Variants in SLC4A8 observed in about 807,000 individuals in gnomAD.
The protein encoded by SLC4A8 is solute carrier family 4 member 8.
Under a neutral mutation model 125.0 loss-of-function variants are expected in SLC4A8, and 40 were observed. That is an observed-to-expected ratio of 0.32 (90% CI 0.25 to 0.42). The LOEUF is 0.42. Among genes scored for constraint, SLC4A8 ranks in the 10% least tolerant of loss-of-function variants. SLC4A8 has a pLI of 1.00. For missense variants in SLC4A8, 863 were observed against 1,355.1 expected, an observed-to-expected ratio of 0.64 and a Z score of 5.70; for synonymous variants, 456 against 476.0, an observed-to-expected ratio of 0.96 and a Z score of 0.55.
At chr12:51,448,600 G>A (rs1440703027) in intron 2 of SLC4A8, among the ~76,000 whole-genome samples, 2 of 152,244 alleles carry the variant, frequency 1.3e-5, no homozygotes, top group Non-Finnish European at 2.9e-5. Flanking sequence ...GAGCAGCACA[G>A]TCAGAGTAGT....
chr12:51,445,854 C>G (rs143144449), intron 2 of SLC4A8, among the ~76,000 whole-genome samples: 1 of 31,750 alleles, frequency 3.1e-5, no homozygotes, highest in Non-Finnish European at 6.7e-5. Flanking sequence ...TCATTTCTGA[C>G]CCCCCCCAAG....
chr12:51,414,162 CT>C (rs1344423234), intron 1 of SLC4A8, among the ~76,000 whole-genome samples: 313 of 139,112 alleles, frequency 2.2e-3, no homozygotes, highest in Middle Eastern at 7.5e-3. Flanking sequence ...ATTCCTGGGT[CT>C]TTTTTTTTTT....
chr12:51,492,586 A>G (rs182573106), intron 19 of SLC4A8, among the ~76,000 whole-genome samples: 1 of 152,312 alleles, frequency 6.6e-6, no homozygotes, highest in Admixed American at 6.5e-5. Context: ...TAGGACAACT[A>G]TTCAGTAGTT....
chr12:51,393,292 G>C (rs371577360), intron 1 of SLC4A8, among the ~76,000 whole-genome samples: 142 of 152,020 alleles, frequency 9.3e-4, no homozygotes, highest in African/African-American at 3.2e-3. Context: ...AGGGAGTTTC[G>C]CCATGTTGCC....
chr12:51,487,346 C>G (rs1168813639), intron 17 of SLC4A8, among the ~76,000 whole-genome samples: 2 of 152,174 alleles, frequency 1.3e-5, no homozygotes, highest in Non-Finnish European at 2.9e-5. Context: ...TTGTGTTGGT[C>G]TGAGAACTTA....
At chr12:51,504,215 CATAAAGAGCTAA>C (rs1367135048) in intron 23 of SLC4A8, 95 bp downstream of exon 23, 2 of 745,666 alleles carry the variant, frequency 2.7e-6, no homozygotes, top group African/African-American at 3.6e-5. Context: ...CAGCTGCTGG[CATAAAGAGCTAA>C]ATATTCAGCC....
chr12:51,431,131 A>T (rs1453074013), intron 1 of SLC4A8, among the ~76,000 whole-genome samples: 2 of 152,246 alleles, frequency 1.3e-5, no homozygotes, highest in East Asian at 3.9e-4. Flanking sequence ...CCATCTCCAA[A>T]GCCAGAAACA....
chr12:51,490,562 C>CAAA (rs767679317), intron 19 of SLC4A8, among the ~76,000 whole-genome samples: 26 of 37,242 alleles, frequency 7.0e-4, no homozygotes, highest in East Asian at 1.6e-3. Context: ...GACTCCATCT[C>CAAA]AAAAAAAAAA....
Position 51,488,687 on chromosome 12 carries a change from T to C in SLC4A8, c.2287-12T>C. 3 of 1,609,208 alleles carry C rather than the reference T, an allele frequency of 1.9e-6. No homozygotes were observed. The highest frequency in any genetic ancestry group is 2.6e-6 in the Non-Finnish European group (3 of 1,176,456). ...AACTTAAAATACAAAAATAATATATTTTCCCCCTTAGCCAACAAGGGATGA... is the reference window on the plus strand; with the variant it reads ...AACTTAAAATACAAAAATAATATATCTTCCCCCTTAGCCAACAAGGGATGA... On this transcript the variant is annotated splice_polypyrimidine_tract_variant and intron_variant, in intron 17 of 24. Coordinates refer to ENST00000453097, the MANE Select transcript of SLC4A8 (RefSeq NM_001039960.3).
At chr12:51,427,572 G>A (rs558080678) in intron 1 of SLC4A8, among the ~76,000 whole-genome samples, 1 of 152,296 alleles carries the variant, frequency 6.6e-6, no homozygotes, top group East Asian at 1.9e-4. Context: ...GAGGAAAAGA[G>A]AATGAGGGTA....
intron 2 of SLC4A8, among the ~76,000 whole-genome samples, chr12:51,443,979 TA>T (rs1427524934): frequency 6.6e-6 from 1 of 152,254 alleles, no homozygotes; most frequent in African/African-American, 2.4e-5. Flanking sequence ...TTTTTTAAAC[TA>T]TAGACTAAAA....
intron 1 of SLC4A8, among the ~76,000 whole-genome samples, chr12:51,432,410 C>CAAAA (rs33965654): frequency 1.1e-5 from 1 of 92,026 alleles, no homozygotes; most frequent in East Asian, 3.2e-4. Context: ...GACTCCGCCT[C>CAAAA]AAAAAAAAAA....
rs1230428283 is a variant in SLC4A8 at position 51,462,303 on chromosome 12, T to G, written c.1102-7T>G. 5 of 1,613,678 alleles carry G rather than the reference T, an allele frequency of 3.1e-6. No individual in the cohort carries two copies. In the African/African-American group the frequency reaches 5.3e-5, roughly 17 times the overall value. ...TAACTTTCCTGAGGGTTTTCTCTTCTCTGTAGATTTTTCATGACGTAGCAT... is the reference window on the plus strand; with the variant it reads ...TAACTTTCCTGAGGGTTTTCTCTTCGCTGTAGATTTTTCATGACGTAGCAT... On this transcript the variant is annotated splice_polypyrimidine_tract_variant and splice_region_variant and intron_variant, in intron 9 of 24. Coordinates refer to ENST00000453097, the MANE Select transcript of SLC4A8 (RefSeq NM_001039960.3).
chr12:51,486,690 G>A (rs1388489741), intron 17 of SLC4A8, among the ~76,000 whole-genome samples: 1 of 152,194 alleles, frequency 6.6e-6, no homozygotes, highest in Non-Finnish European at 1.5e-5. Context: ...GAAAGTGGGA[G>A]AAGTTGGTGA....
chr12:51,393,352 C>T (rs990254351), intron 1 of SLC4A8, among the ~76,000 whole-genome samples: 10 of 152,024 alleles, frequency 6.6e-5, no homozygotes, highest in African/African-American at 1.7e-4. Flanking sequence ...GCCTCGGCCT[C>T]GCAAAGTGAT....
intron 1 of SLC4A8, among the ~76,000 whole-genome samples, chr12:51,433,968 G>A (rs1949313481): frequency 2.0e-5 from 3 of 149,254 alleles, no homozygotes; most frequent in African/African-American, 7.4e-5. Context: ...TCCAACTCCT[G>A]GGCTCGAGCA....
intron 1 of SLC4A8, among the ~76,000 whole-genome samples, chr12:51,419,273 T>G (rs942233351): frequency 6.6e-6 from 1 of 152,262 alleles, no homozygotes; most frequent in Non-Finnish European, 1.5e-5. Flanking sequence ...TAGCAGTGAT[T>G]ACAAATGTCG....
At chr12:51,452,340 C>CA in intron 4 of SLC4A8, 81 bp downstream of exon 4, 2 of 1,473,708 alleles carry the variant, frequency 1.4e-6, no homozygotes, top group Non-Finnish European at 9.5e-7. Flanking sequence ...GGCCTGCCTG[C>CA]CTTATTTCTT....
intron 20 of SLC4A8, among the ~76,000 whole-genome samples, chr12:51,494,019 C>T (rs954044375): frequency 4.6e-5 from 7 of 152,210 alleles, no homozygotes; most frequent in Non-Finnish European, 8.8e-5. Context: ...ATTAATTATT[C>T]AACAGACAAT....
Sources: allele counts gnomAD v4.1 joint callset (sites outside exome capture counted in the v4.1 genomes callset), GRCh38; gene constraint gnomAD v4.1.1; transcripts MANE v1.5; gene names NCBI Gene and HGNC (gene_info 2026-07-23, HGNC 2026-07-21).